LRP1B: variants seen among roughly 807,000 people sequenced by gnomAD.
LRP1B encodes LDL receptor related protein 1B.
Under a neutral mutation model 556.6 loss-of-function variants are expected in LRP1B, and 217 were observed. The ratio of observed to expected loss-of-function variants is 0.39; its 90% CI spans 0.35 to 0.44. The LOEUF is 0.44. LRP1B is among the 20% of genes least tolerant of loss of function. LRP1B has a pLI of 1.00. For synonymous variants in LRP1B, 2,047 were observed against 1,865.8 expected, an observed-to-expected ratio of 1.10 and a Z score of -2.50; for missense variants, 5,053 against 5,620.8, an observed-to-expected ratio of 0.90 and a Z score of 3.23.
At chr2:140,407,381 G>A (rs762296606) in intron 66 of LRP1B, among the ~76,000 whole-genome samples, 5 of 151,508 alleles carry the variant, frequency 3.3e-5, no homozygotes, top group East Asian at 3.9e-4. Context: ...ATAAATAATC[G>A]GTAAACAGAA....
chr2:141,068,217 A>G (rs900597713), intron 7 of LRP1B, among the ~76,000 whole-genome samples: 1 of 152,042 alleles, frequency 6.6e-6, no homozygotes, highest in Admixed American at 6.6e-5. Flanking sequence ...CCCGGGGTTC[A>G]TAGTCTCACA....
intron 3 of LRP1B, among the ~76,000 whole-genome samples, chr2:141,327,456 C>T (rs1687467767): frequency 6.6e-6 from 1 of 151,984 alleles, no homozygotes; most frequent in Admixed American, 6.6e-5. Flanking sequence ...TGTGGATAAG[C>T]AAACTGAGTC....
At chr2:140,400,947 G>A (rs868413092) in intron 66 of LRP1B, among the ~76,000 whole-genome samples, 1 of 152,172 alleles carries the variant, frequency 6.6e-6, no homozygotes, top group South Asian at 2.1e-4. Flanking sequence ...AGTAAAAGCA[G>A]CAGTGGGAAG....
At chr2:142,090,494 A>G (rs1474522341) in intron 1 of LRP1B, among the ~76,000 whole-genome samples, 1 of 152,156 alleles carries the variant, frequency 6.6e-6, no homozygotes, top group African/African-American at 2.4e-5. Flanking sequence ...AATTATACAC[A>G]GGAAAGATAA....
At chr2:141,668,897 C>T (rs567111937) in intron 2 of LRP1B, among the ~76,000 whole-genome samples, 3 of 152,114 alleles carry the variant, frequency 2.0e-5, no homozygotes, top group East Asian at 1.9e-4. Flanking sequence ...TACACCTGCC[C>T]GTCTGCATGC....
At chr2:141,510,195 G>GACAC (rs59647485) in intron 2 of LRP1B, among the ~76,000 whole-genome samples, 42,394 of 94,738 alleles carry the variant, frequency 0.45, 7,370 homozygotes, top group Non-Finnish European at 0.52. Flanking sequence ...CGGCAATACA[G>GACAC]ACACACACAC....
At chr2:140,886,675 A>G (rs1466747646) in intron 23 of LRP1B, among the ~76,000 whole-genome samples, 3 of 151,998 alleles carry the variant, frequency 2.0e-5, no homozygotes, top group Non-Finnish European at 4.4e-5. Flanking sequence ...AAAAGTCACC[A>G]TAGAAATTGC....
chr2:141,843,961 A>G (rs552538914), intron 1 of LRP1B, among the ~76,000 whole-genome samples: 75 of 152,206 alleles, frequency 4.9e-4, no homozygotes, highest in African/African-American at 1.8e-3. Context: ...ACCTACCAAT[A>G]CAAATGGGGA....
intron 1 of LRP1B, among the ~76,000 whole-genome samples, chr2:141,899,928 G>C (rs1279301081): frequency 1.3e-5 from 2 of 151,918 alleles, no homozygotes; most frequent in Non-Finnish European, 2.9e-5. Flanking sequence ...GTACTGTACT[G>C]ACTGTGCACT....
intron 43 of LRP1B, among the ~76,000 whole-genome samples, chr2:140,595,092 A>ATCTATCTATC (rs1385323966): frequency 6.9e-5 from 1 of 14,406 alleles, no homozygotes; most frequent in African/African-American, 2.3e-4. Context: ...AATTGAATAT[A>ATCTATCTATC]TATATATATA....
chr2:141,331,263 A>G (rs1237650242), intron 3 of LRP1B, among the ~76,000 whole-genome samples: 2 of 152,176 alleles, frequency 1.3e-5, no homozygotes, highest in African/African-American at 2.4e-5. Flanking sequence ...GACTCATCAC[A>G]CTTCCTTAGA....
intron 2 of LRP1B, among the ~76,000 whole-genome samples, chr2:141,736,647 A>T (rs1158211900): frequency 6.6e-6 from 1 of 152,164 alleles, no homozygotes; most frequent in African/African-American, 2.4e-5. Flanking sequence ...TAGAAAAGCA[A>T]CGCAGATGCC....
chr2:141,951,904 T>C (rs1701116486), intron 1 of LRP1B, among the ~76,000 whole-genome samples: 1 of 152,074 alleles, frequency 6.6e-6, no homozygotes, highest in South Asian at 2.1e-4. Flanking sequence ...GCATGTTTGT[T>C]ACATATGTAT....
chr2:141,134,976 T>G (rs1471709979), intron 7 of LRP1B, among the ~76,000 whole-genome samples: 5 of 151,804 alleles, frequency 3.3e-5, no homozygotes, highest in Non-Finnish European at 5.9e-5. Flanking sequence ...TTAGGAATTT[T>G]AACATTAAAA....
intron 43 of LRP1B, among the ~76,000 whole-genome samples, chr2:140,584,946 G>T (rs1681925235): frequency 6.6e-6 from 1 of 151,162 alleles, no homozygotes; most frequent in Admixed American, 6.6e-5. Context: ...TTGTCTTTTA[G>T]TTTATTTACT....
At chr2:141,474,156 G>A (rs956320744) in intron 3 of LRP1B, among the ~76,000 whole-genome samples, 3 of 138,744 alleles carry the variant, frequency 2.2e-5, no homozygotes. Flanking sequence ...TTTTTCCATA[G>A]TAGTAGCTGG....
intron 60 of LRP1B, among the ~76,000 whole-genome samples, chr2:140,461,078 A>G (rs1687296270): frequency 6.6e-6 from 1 of 151,594 alleles, no homozygotes; most frequent in Non-Finnish European, 1.5e-5. Context: ...AGAAAAAAAA[A>G]AAAAAAGAAA....
intron 2 of LRP1B, among the ~76,000 whole-genome samples, chr2:141,491,959 T>G (rs1683349445): frequency 6.6e-6 from 1 of 151,868 alleles, no homozygotes; most frequent in Non-Finnish European, 1.5e-5. Context: ...GGCATGCTAA[T>G]GTCAGCTGGT....
chr2:140,250,295 C>A (rs550531287), intron 86 of LRP1B, among the ~76,000 whole-genome samples: 1 of 151,736 alleles, frequency 6.6e-6, no homozygotes, highest in East Asian at 1.9e-4. Context: ...AATTATTTAA[C>A]GTTTTAAACA....
Sources: gnomAD v4.1 joint callset for allele counts (sites outside exome capture counted in the v4.1 genomes callset) on GRCh38, gnomAD v4.1.1 for gene constraint, MANE v1.5 for transcripts, NCBI Gene and HGNC (gene_info 2026-07-23, HGNC 2026-07-21) for gene names.